Variants in SH3BP4 observed in about 807,000 individuals in gnomAD.
SH3BP4 encodes the protein SH3 domain-binding protein 4.
A neutral mutation model predicts 65.5 loss-of-function variants in SH3BP4; 33 were observed. The observed-to-expected ratio is 0.50, with a 90% CI of 0.38 to 0.67. SH3BP4 has a LOEUF of 0.67. Among genes scored for constraint, SH3BP4 ranks in the 30% least tolerant of loss-of-function variants. The probability of loss-of-function intolerance (pLI) is 0.00; values close to 1 mark genes in which losing one functional copy is unlikely to be tolerated. For missense variants in SH3BP4, 1,134 were observed against 1,261.4 expected (o/e 0.90, Z 1.53); for synonymous variants, 552 against 545.5 (o/e 1.01, Z -0.17).
intron 2 of SH3BP4, among the ~76,000 whole-genome samples, chr2:235,007,974 C>A (rs575183338): frequency 1.3e-5 from 2 of 152,312 alleles, no homozygotes; most frequent in South Asian, 4.1e-4. Flanking sequence ...CAAGAAGGAC[C>A]AGCCGTTGGG....
chr2:235,041,603 G>A lies in SH3BP4; in HGVS notation c.834G>A (p.Gln278=). The change falls in exon 4 of 6, where the codon CAG becomes CAA. Residue 278 remains glutamine, a synonymous_variant. Coordinates refer to ENST00000392011, the MANE Select transcript of SH3BP4 (RefSeq NM_014521.3). This position sits in a 1 kb window ranked among gnomAD's most constrained non-coding sequence, Gnocchi z 6.0. ...GLKSPAPEQF[Q]SREDFRTAWL... The stretch of plus-strand genomic sequence containing the variant: ...AATCACCTGCCCCCGAGCAATTTCA[G>A]AGCCGGGAGGATTTTCGAACTGCCT... The A allele has an allele frequency of 6.2e-7, 1 of 1,614,078 alleles. No individual in the cohort carries two copies. The highest frequency in any genetic ancestry group is 8.5e-7 in the Non-Finnish European group (1 of 1,180,040).
Position 234,952,421 on chromosome 2 carries a change from C to T in SH3BP4, c.-207+251C>T, listed in dbSNP as rs1034200964. 1.3e-4 allele frequency among the ~76,000 whole-genome samples: 20 copies of T among 151,082 alleles called. No individual in the cohort carries two copies. Among genetic ancestry groups the T allele is most frequent in the African/African-American group, 3.9e-4 (16 of 41,382 alleles). On this transcript the variant is annotated intron_variant, in intron 1 of 5. Coordinates refer to ENST00000392011, the MANE Select transcript of SH3BP4 (RefSeq NM_014521.3). This position sits in a 1 kb window ranked among gnomAD's most constrained non-coding sequence, Gnocchi z 6.5. ...TCCCTGGTGCTGGTGGGCAGGGACCCGGCCCGGGGTTCCGGGCGCCGAGCC... is the reference window on the plus strand; with the variant it reads ...TCCCTGGTGCTGGTGGGCAGGGACCTGGCCCGGGGTTCCGGGCGCCGAGCC...
intron 2 of SH3BP4, among the ~76,000 whole-genome samples, chr2:235,019,126 T>C (rs1694773928): frequency 6.6e-6 from 1 of 152,022 alleles, no homozygotes; most frequent in African/African-American, 2.4e-5. Flanking sequence ...AGAGGTGAAA[T>C]TTTGTTCTGA....
At chr2:235,038,376 C>CATATATATACAT (rs1695510241) in intron 3 of SH3BP4, among the ~76,000 whole-genome samples, 10 of 12,362 alleles carry the variant, frequency 8.1e-4, no homozygotes, top group African/African-American at 3.2e-3. Flanking sequence ...AATATATATA[C>CATATATATACAT]ATATATATAT....
intron 1 of SH3BP4, among the ~76,000 whole-genome samples, chr2:234,966,350 C>T (rs754161102): frequency 6.6e-6 from 1 of 151,992 alleles, no homozygotes; most frequent in East Asian, 1.9e-4. Context: ...GCCTGGGCAA[C>T]CAGAGCGAAA....
At chr2:234,960,231 G>A (rs1692675488) in intron 1 of SH3BP4, among the ~76,000 whole-genome samples, 1 of 152,250 alleles carries the variant, frequency 6.6e-6, no homozygotes, top group African/African-American at 2.4e-5. Context: ...ATACAGATAT[G>A]GTTGTGGTTC....
At chr2:235,015,488 A>C (rs1335032742) in intron 2 of SH3BP4, among the ~76,000 whole-genome samples, 1 of 152,196 alleles carries the variant, frequency 6.6e-6, no homozygotes, top group Non-Finnish European at 1.5e-5. Context: ...CGACTTCCCC[A>C]GATCATGTGA....
At chr2:235,032,584 C>T (rs1015603514) in intron 2 of SH3BP4, among the ~76,000 whole-genome samples, 5 of 152,162 alleles carry the variant, frequency 3.3e-5, no homozygotes, top group East Asian at 1.9e-4. Context: ...CCTTGCATTT[C>T]GGGGCTGCCG....
chr2:234,986,062 C>T (rs1356310666), intron 1 of SH3BP4, among the ~76,000 whole-genome samples: 1 of 148,836 alleles, frequency 6.7e-6, no homozygotes, highest in Non-Finnish European at 1.5e-5. Context: ...CACCTATGAG[C>T]TCAGGGTCCA....
At chr2:234,988,387 T>G (rs1357052018) in intron 1 of SH3BP4, among the ~76,000 whole-genome samples, 1 of 152,192 alleles carries the variant, frequency 6.6e-6, no homozygotes, top group Non-Finnish European at 1.5e-5. Context: ...GTGATTCACC[T>G]TTAGCGAGTC....
intron 3 of SH3BP4, among the ~76,000 whole-genome samples, chr2:235,038,358 A>ATAT (rs1553567424): frequency 1.4e-4 from 2 of 14,236 alleles, no homozygotes; most frequent in African/African-American, 1.7e-4. Context: ...TTTTATATAT[A>ATAT]TATATATAAT....
chr2:234,958,354 T>C (rs2106238783), intron 1 of SH3BP4, among the ~76,000 whole-genome samples: 1 of 152,198 alleles, frequency 6.6e-6, no homozygotes, highest in South Asian at 2.1e-4. Flanking sequence ...CCAGCCATGG[T>C]GAGCGGGGCT....
chr2:235,054,439 C>G lies in SH3BP4; in HGVS notation c.*623C>G, dbSNP rs988267966. On this transcript the variant is annotated 3_prime_UTR_variant, in exon 6 of 6. Coordinates refer to ENST00000392011, the MANE Select transcript of SH3BP4 (RefSeq NM_014521.3). ...TCCCTCCTCGGATTTGATTGTCTTC[C>G]GTGCTTTGCCTCACTCGTAGTAAAT... 1.3e-5 allele frequency: 2 copies of G among 152,374 alleles called. No homozygotes were observed. Among genetic ancestry groups the G allele is most frequent in the African/African-American group, 4.8e-5 (2 of 41,376 alleles). 9.4% of individuals were successfully genotyped at this position (152,374 alleles called of 1,614,324 possible).
intron 2 of SH3BP4, among the ~76,000 whole-genome samples, chr2:234,999,136 A>G (rs915728554): frequency 2.0e-5 from 3 of 152,188 alleles, no homozygotes; most frequent in South Asian, 2.1e-4. Flanking sequence ...GGGAATCTGG[A>G]CGGAGGAGAA....
At chr2:234,956,478 T>A (rs979906449) in intron 1 of SH3BP4, among the ~76,000 whole-genome samples, 1 of 152,190 alleles carries the variant, frequency 6.6e-6, no homozygotes, top group African/African-American at 2.4e-5. Context: ...CTGTAGAGAT[T>A]GAGAAGAATA....
intron 2 of SH3BP4, among the ~76,000 whole-genome samples, chr2:235,032,513 G>T (rs1413357550): frequency 6.6e-6 from 1 of 152,170 alleles, no homozygotes; most frequent in South Asian, 2.1e-4. Flanking sequence ...TGCTCTGGAG[G>T]TGGCCATCAC....
chr2:235,043,076 G>T lies in SH3BP4; in HGVS notation c.2307G>T (p.Trp769Cys). 6.2e-7 allele frequency: 1 copy of T among 1,613,342 alleles called. No homozygotes were observed. The highest frequency in any genetic ancestry group is 8.5e-7 in the Non-Finnish European group (1 of 1,179,734). Reference protein sequence around the residue: ...RTLLMENISSWRSFADALGYV... With the variant: ...RTLLMENISSCRSFADALGYV... ...TGCTCATGGAGAACATCAGCAGCTG[G>T]CGCTCCTTCGCTGACGCCCTGGGCT... The change falls in exon 4 of 6, where the codon TGG becomes TGT. Residue 769 changes from tryptophan (W) to cysteine (C), a missense_variant. By Grantham distance (215) the Trp-to-Cys change is radical (BLOSUM62 -2). Transcript: ENST00000392011.
rs1429999662 is a variant in SH3BP4, at chr2:235,033,479, C to T, written c.-132-1392C>T. Among the ~76,000 whole-genome samples, 9 of 152,188 alleles carry T rather than the reference C, an allele frequency of 5.9e-5. No individual in the cohort carries two copies. The highest frequency in any genetic ancestry group is 7.3e-5 in the Non-Finnish European group (5 of 68,036). ...GAGTTTCGGGAAACACAGTTCAGTC[C>T]GTAACACATGCCTTCTCTCCAGACA... On this transcript the variant is annotated intron_variant, in intron 2 of 5. Transcript: ENST00000392011. The surrounding 1 kb of genome is among the most constrained non-coding windows in gnomAD (Gnocchi z 5.7).
chr2:234,955,078 C>T (rs1200548345), intron 1 of SH3BP4, among the ~76,000 whole-genome samples: 2 of 152,178 alleles, frequency 1.3e-5, no homozygotes, highest in Admixed American at 6.5e-5. Context: ...TTTTCTTCTG[C>T]AAATTGGACT....
Sources: allele counts gnomAD v4.1 joint callset (sites outside exome capture counted in the v4.1 genomes callset), GRCh38; gene constraint gnomAD v4.1.1; non-coding constraint Gnocchi (gnomAD v3.1); transcripts MANE v1.5; gene names NCBI Gene and HGNC (gene_info 2026-07-23, HGNC 2026-07-21).